The following HAUS2 variants were observed in gnomAD, a reference collection of about 807,000 sequenced individuals.
HAUS2 encodes HAUS augmin like complex subunit 2, also known as HAUS augmin-like complex subunit 2.
HAUS2 carries 20 observed loss-of-function variants against 21.6 expected under a neutral mutation model. That is an observed-to-expected ratio of 0.93 (90% CI 0.65 to 1.35). HAUS2 has a LOEUF of 1.35. Among genes scored for constraint, HAUS2 ranks in the 40% most tolerant of loss-of-function variants. The probability of loss-of-function intolerance (pLI) is 0.00; values close to 1 mark genes in which losing one functional copy is unlikely to be tolerated. For synonymous variants in HAUS2, 113 were observed against 95.6 expected, an observed-to-expected ratio of 1.18 and a Z score of -1.06; for missense variants, 297 against 280.7, an observed-to-expected ratio of 1.06 and a Z score of -0.42.
chr15:42,549,021 G>T, intron 1 of HAUS2, 56 bp downstream of exon 1: 2 of 1,116,974 alleles, frequency 1.8e-6, no homozygotes, highest in Admixed American at 2.0e-5. Flanking sequence ...GCAACAATAT[G>T]GCTGTGAGTT....
rs1889756277 is a variant in HAUS2, at chr15:42,566,710, T to C, written c.602T>C (p.Ile201Thr). 6.4e-7 allele frequency: 1 copy of C among 1,568,710 alleles called. No individual in the cohort carries two copies. Among genetic ancestry groups the C allele is most frequent in the Non-Finnish European group, 8.8e-7 (1 of 1,138,736 alleles). The change falls in exon 6 of 6, where the codon ATC (isoleucine) becomes ACC (threonine). Residue 201 changes from isoleucine to threonine, a missense_variant. Transcript: ENST00000260372. ...CAACAAAACGAAGTTTCGTCTTGTA[T>C]CCCCAAAATATTAGCTGAAGAAAGT... is the stretch of plus-strand genomic sequence containing the variant. ...RKQQNEVSSC[I>T]PKILAEESYL...
chr15:42,555,434 T>G (rs912829482), intron 1 of HAUS2, among the ~76,000 whole-genome samples: 1 of 152,180 alleles, frequency 6.6e-6, no homozygotes, highest in Non-Finnish European at 1.5e-5. Context: ...CAGCCTGTAT[T>G]TCTAAATAAG....
At chr15:42,564,966 G>A (rs1299353548) in intron 5 of HAUS2, among the ~76,000 whole-genome samples, 1 of 152,150 alleles carries the variant, frequency 6.6e-6, no homozygotes, top group Non-Finnish European at 1.5e-5. Flanking sequence ...CTCCCAAGTA[G>A]CTGGGATTAC....
intron 1 of HAUS2, among the ~76,000 whole-genome samples, chr15:42,550,997 C>CTTTTTTT (rs56371573): frequency 3.0e-5 from 4 of 132,798 alleles, no homozygotes; most frequent in East Asian, 2.2e-4. Flanking sequence ...CTTTTCTTTT[C>CTTTTTTT]TTTTTTTTTT....
chr15:42,558,316 T>C, intron 2 of HAUS2, 26 bp downstream of exon 2: 2 of 241,610 alleles, frequency 8.3e-6, no homozygotes, highest in Non-Finnish European at 7.0e-6. Context: ...TTCACTTTCT[T>C]TTTTTTTTTT....
rs150459941 is a variant in HAUS2 at position 42,551,113 on chromosome 15, C to T, written c.93+2148C>T. On this transcript the variant is annotated intron_variant, in intron 1 of 5. Coordinates refer to ENST00000260372, the MANE Select transcript of HAUS2 (RefSeq NM_018097.3). Reference sequence around the variant, plus strand: ...TGGGTTCAATCAATTCTCGTGCTCCCGAGTAGCTGGGACTACAGGCACCTG... The same window carrying T: ...TGGGTTCAATCAATTCTCGTGCTCCTGAGTAGCTGGGACTACAGGCACCTG... Among the ~76,000 whole-genome samples, 1,381 of 150,986 alleles carry T rather than the reference C, an allele frequency of 9.1e-3. 25 individuals are homozygous for T. The highest frequency in any genetic ancestry group is 0.032 in the African/African-American group (1,304 of 41,178).
chr15:42,550,140 T>A (rs989616971), intron 1 of HAUS2, among the ~76,000 whole-genome samples: 1 of 152,116 alleles, frequency 6.6e-6, no homozygotes, highest in African/African-American at 2.4e-5. Context: ...GGCGTACACC[T>A]GTAGTCCCAA....
intron 1 of HAUS2, among the ~76,000 whole-genome samples, chr15:42,557,875 T>A (rs1007692365): frequency 4.6e-5 from 7 of 152,050 alleles, no homozygotes; most frequent in African/African-American, 1.7e-4. Flanking sequence ...TAGAGGTGAT[T>A]CTCCAACAAA....
chr15:42,564,302 A>G (rs1054962589), intron 5 of HAUS2, among the ~76,000 whole-genome samples: 1 of 149,964 alleles, frequency 6.7e-6, no homozygotes, highest in Non-Finnish European at 1.5e-5. Flanking sequence ...AGAAGTGTTT[A>G]TTTATTTAGA....
At chr15:42,565,175 A>G (rs1485234325) in intron 5 of HAUS2, among the ~76,000 whole-genome samples, 1 of 152,184 alleles carries the variant, frequency 6.6e-6, no homozygotes, top group Non-Finnish European at 1.5e-5. Flanking sequence ...AAATTCGGAC[A>G]TGCATCAGAA....
At chr15:42,552,430 A>C (rs1393736383) in intron 1 of HAUS2, among the ~76,000 whole-genome samples, 1 of 152,192 alleles carries the variant, frequency 6.6e-6, no homozygotes, top group Non-Finnish European at 1.5e-5. Context: ...TTTTTTGTGC[A>C]TTAAAAATTA....
chr15:42,550,284 GAAA>G (rs61442261), intron 1 of HAUS2, among the ~76,000 whole-genome samples: 6 of 98,364 alleles, frequency 6.1e-5, no homozygotes, highest in Admixed American at 1.2e-4. Context: ...CTGTCTCAGG[GAAA>G]AAAAAAAAAA....
chr15:42,551,653 C>G (rs2057726778), intron 1 of HAUS2, among the ~76,000 whole-genome samples: 1 of 151,806 alleles, frequency 6.6e-6, no homozygotes, highest in African/African-American at 2.4e-5. Context: ...AAAAAAACAA[C>G]CCCCCAACTT....
At chr15:42,557,479 A>ATATATAATATATACATTGTATATAATG (rs1566832054) in intron 1 of HAUS2, among the ~76,000 whole-genome samples, 1 of 142,758 alleles carries the variant, frequency 7.0e-6, no homozygotes, top group African/African-American at 2.6e-5. Flanking sequence ...AATGTATATT[A>ATATATAATATATACATTGTATATAATG]TATATAATAT....
intron 5 of HAUS2, among the ~76,000 whole-genome samples, chr15:42,564,648 A>C (rs2057888222): frequency 6.6e-6 from 1 of 152,130 alleles, no homozygotes. Flanking sequence ...GACTTCAATA[A>C]AGTTTTTGTT....
intron 1 of HAUS2, among the ~76,000 whole-genome samples, chr15:42,549,319 C>G (rs1446947580): frequency 6.6e-6 from 1 of 152,100 alleles, no homozygotes; most frequent in Non-Finnish European, 1.5e-5. Flanking sequence ...CGTTCTGTCC[C>G]CTTGCGGAAC....
chr15:42,565,974 G>A (rs1265407564), intron 5 of HAUS2, among the ~76,000 whole-genome samples: 1 of 152,092 alleles, frequency 6.6e-6, no homozygotes, highest in East Asian at 1.9e-4. Context: ...AGGCTGAGGT[G>A]GGTGGATCAC....
chr15:42,569,488 G>C lies in HAUS2; in HGVS notation c.*2672G>C, dbSNP rs2057940279. The stretch of plus-strand genomic sequence containing the variant: ...CGCCTGGCTAATTTTTGTATTTTCT[G>C]TAGAGACAGAGTTTTGCCATGTTGT... On this transcript the variant is annotated 3_prime_UTR_variant, in exon 6 of 6. Transcript: ENST00000260372. 1 of 151,786 alleles carries C rather than the reference G, an allele frequency of 6.6e-6. No homozygotes were observed. The highest frequency in any genetic ancestry group is 6.6e-5 in the Admixed American group (1 of 15,214). 9.4% of individuals were successfully genotyped at this position (151,786 alleles called of 1,614,324 possible).
chr15:42,557,510 A>C (rs984328005), intron 1 of HAUS2, among the ~76,000 whole-genome samples: 58 of 139,480 alleles, frequency 4.2e-4, no homozygotes, highest in African/African-American at 1.6e-3. Context: ...TATAATGTAT[A>C]TATTATATAT....
Sources: gnomAD v4.1 joint callset for allele counts (sites outside exome capture counted in the v4.1 genomes callset) on GRCh38, gnomAD v4.1.1 for gene constraint, MANE v1.5 for transcripts, NCBI Gene and HGNC (gene_info 2026-07-23, HGNC 2026-07-21) for gene names.